EXOC3L1: variants seen among roughly 807,000 people sequenced by gnomAD.
EXOC3L1 encodes the protein exocyst complex component 3-like protein.
EXOC3L1 carries 79 observed loss-of-function variants against 83.6 expected under a neutral mutation model. That is an observed-to-expected ratio of 0.95 (90% CI 0.79 to 1.14). The LOEUF (loss-of-function observed/expected upper bound fraction) is 1.14, where lower values mean the gene tolerates loss of function less well. Ranked by LOEUF, EXOC3L1 falls within the 50% of genes most tolerant of loss-of-function variation. The pLI, the probability that EXOC3L1 is intolerant of heterozygous loss-of-function variation, is 0.00. For synonymous variants in EXOC3L1, 433 were observed against 451.2 expected, an observed-to-expected ratio of 0.96 and a Z score of 0.51; for missense variants, 945 against 972.0, an observed-to-expected ratio of 0.97 and a Z score of 0.37.
chr16:67,188,941 CTG>C lies in EXOC3L1; in HGVS notation c.208-3_208-2del. On this transcript the variant is annotated splice_acceptor_variant and splice_polypyrimidine_tract_variant and intron_variant, in intron 3 of 13. Coordinates refer to ENST00000314586, the MANE Select transcript of EXOC3L1 (RefSeq NM_178516.4). LOFTEE classifies it high-confidence loss of function. ...CTTCCAGGTATGACTGCATCACTGACTGTGGAAAGATGGAGCCATGAGGCTGG... is the reference window on the plus strand; with the variant it reads ...CTTCCAGGTATGACTGCATCACTGACTGGAAAGATGGAGCCATGAGGCTGG... 6.2e-7 allele frequency: 1 copy of C among 1,612,252 alleles called. No homozygotes were observed. Among genetic ancestry groups the C allele is most frequent in the Non-Finnish European group, 8.5e-7 (1 of 1,179,422 alleles).
Position 67,188,676 on chromosome 16 carries a change from GGACT to G in EXOC3L1, c.427+41_427+44del, listed in dbSNP as rs763306099. On this transcript the variant is annotated intron_variant, in intron 4 of 13. Transcript: ENST00000314586. ...CCCTTGATTAGGGATGGGTGTTTGT[GGACT>G]GACTATTGGAGGCTGAGGCCCAGGG... is the stretch of plus-strand genomic sequence containing the variant. 57 of 1,556,646 alleles carry G rather than the reference GGACT, an allele frequency of 3.7e-5. 1 individual carries two copies. The South Asian group carries it at 5.9e-4, about 16-fold the overall frequency.
chr16:67,189,288 GTTTA>G, intron 2 of EXOC3L1, 108 bp from the exon 3 acceptor site: 2 of 1,218,360 alleles, frequency 1.6e-6, no homozygotes, highest in Non-Finnish European at 2.2e-6. Flanking sequence ...TTGTTTATTT[GTTTA>G]TTGAGATGGA....
chr16:67,188,181 T>C (rs959449689), intron 4 of EXOC3L1, among the ~76,000 whole-genome samples: 1 of 150,932 alleles, frequency 6.6e-6, no homozygotes, highest in African/African-American at 2.4e-5. Flanking sequence ...GATATGGAGG[T>C]TGCAGTGAGC....
intron 4 of EXOC3L1, among the ~76,000 whole-genome samples, chr16:67,188,364 T>C (rs2032787984): frequency 6.6e-6 from 1 of 152,140 alleles, no homozygotes; most frequent in Non-Finnish European, 1.5e-5. Flanking sequence ...GGGCCAGAGG[T>C]CAACCCATGA....
In EXOC3L1 at chr16:67,186,790, T is replaced by C. The variant is rs373700966; in HGVS notation, c.1253A>G (p.Tyr418Cys). The change falls in exon 7 of 14, where the codon TAT becomes TGT. Residue 418 changes from tyrosine to cysteine, a missense_variant. Coordinates refer to ENST00000314586, the MANE Select transcript of EXOC3L1 (RefSeq NM_178516.4). ...HGPNTDPSGSYYSPMPAIVLQ... is the reference protein window; with the variant it reads ...HGPNTDPSGSCYSPMPAIVLQ... ...CACAATGGCTGGCATTGGTGAGTAA[T>C]AGGAGCCAGACGGGTCTGTGTTGGG... 1.2e-5 allele frequency: 19 copies of C among 1,613,576 alleles called. No individual in the cohort carries two copies. Among genetic ancestry groups the C allele is most frequent in the Non-Finnish European group, 1.4e-5 (17 of 1,180,020 alleles).
Position 67,187,416 on chromosome 16 carries a change from C to T in EXOC3L1, c.849G>A (p.Leu283=), listed in dbSNP as rs1198941852. The T allele has an allele frequency of 3.7e-6, 6 of 1,611,446 alleles. No homozygotes were observed. The Admixed American group carries it at 6.7e-5, about 18-fold the overall frequency. The part of the protein sequence containing the change: ...PGWLEALRVA[L]PVELATAEAL... ...CCTCAGCTGTGGCCAACTCGACTGG[C>T]AGGGCCACTCGCAGAGCCTCCAGCC... Residue 283 remains leucine, a synonymous_variant, in exon 5 of 14, where the codon CTG becomes CTA. Transcript: ENST00000314586.
intron 3 of EXOC3L1, 27 bp downstream of exon 3, chr16:67,188,993 C>T (rs771682090): frequency 1.2e-6 from 2 of 1,604,658 alleles, no homozygotes; most frequent in East Asian, 2.2e-5. Flanking sequence ...ACAGTCCCAG[C>T]ACCCGCACCC....
rs9939768 is a variant in EXOC3L1 at position 67,185,204 on chromosome 16, G to C, written c.1681C>G (p.Gln561Glu). 148,051 of 1,612,996 alleles carry C rather than the reference G, an allele frequency of 0.092. 12,367 individuals carry two copies. Among genetic ancestry groups the C allele is most frequent in the African/African-American group, 0.43 (32,474 of 74,866 alleles). ...RQWLSSPELL[Q>E]SVCERTGRFC... Reference sequence around the variant, plus strand: ...CGCCCCGTCCGTTCACACACACTTTGCAGGAGCTCAGGGCTCGACAGCCAT... The same window carrying C: ...CGCCCCGTCCGTTCACACACACTTTCCAGGAGCTCAGGGCTCGACAGCCAT... Residue 561 changes from glutamine to glutamate, a missense_variant, in exon 11 of 14, where the codon CAA becomes GAA. Coordinates refer to ENST00000314586, the MANE Select transcript of EXOC3L1 (RefSeq NM_178516.4).
rs1022364177 is a variant in EXOC3L1 at position 67,184,741 on chromosome 16, G to A, written c.1975C>T (p.Pro659Ser). The change falls in exon 13 of 14, where the codon CCC becomes TCC. Residue 659 changes from proline to serine, a missense_variant. Transcript: ENST00000314586. ...ALRELLNLRDPALLGLEVAGL... is the reference protein window; with the variant it reads ...ALRELLNLRDSALLGLEVAGL... The stretch of plus-strand genomic sequence containing the variant: ...GCCACCTCCAGGCCCAGCAGCGCGG[G>A]GTCGCGGAGGTTTAGCAGCTCCCTC... 1 of 1,587,356 alleles carries A rather than the reference G, an allele frequency of 6.3e-7. No homozygotes were observed. The highest frequency in any genetic ancestry group is 1.3e-5 in the African/African-American group (1 of 74,630).
chr16:67,189,703 G>C lies in EXOC3L1; in HGVS notation c.-7-20C>G, dbSNP rs1447353745. The C allele has an allele frequency of 2.5e-6, 4 of 1,613,268 alleles. No individual in the cohort carries two copies. In the South Asian group the frequency reaches 4.4e-5, roughly 18 times the overall value. On this transcript the variant is annotated intron_variant, in intron 1 of 13. Transcript: ENST00000314586. ...GTGGGCCTGGAGGAGCCAGAGCTGA[G>C]GTGGGCCCGGGGCAAGCAGGCAGAG...
At chr16:67,184,648 C>T in intron 13 of EXOC3L1, 38 bp downstream of exon 13, 5 of 1,581,288 alleles carry the variant, frequency 3.2e-6, no homozygotes, top group Admixed American at 1.7e-5. Flanking sequence ...TCCTCCCCGC[C>T]CTCCGGCTTC....
At position 67,186,628 on chromosome 16, in the gene EXOC3L1, G is replaced by T; in HGVS notation, c.1314C>A (p.Ser438Arg). 1 of 1,614,098 alleles carries T rather than the reference G, an allele frequency of 6.2e-7. No individual in the cohort carries two copies. Among genetic ancestry groups the T allele is most frequent in the Non-Finnish European group, 8.5e-7 (1 of 1,179,998 alleles). The change falls in exon 8 of 14, where the codon AGC becomes AGA. Residue 438 changes from serine (S) to arginine (R), a missense_variant. By Grantham distance (110) the Ser-to-Arg change is moderately radical. Coordinates refer to ENST00000314586, the MANE Select transcript of EXOC3L1 (RefSeq NM_178516.4). ...GCTGTTGCAGTGACTCACTGACCAGGCTGGCCACACGAATGTTCTCTTCCA... is the reference window on the plus strand; with the variant it reads ...GCTGTTGCAGTGACTCACTGACCAGTCTGGCCACACGAATGTTCTCTTCCA... ...QILEENIRVASLVSESLQQRV... is the reference protein window; with the variant it reads ...QILEENIRVARLVSESLQQRV...
rs2032659305 is a variant in EXOC3L1, at chr16:67,185,138, G to A, written c.1747C>T (p.Gln583Ter). ...CCCAATCTTTTCCCCCAACCCACCT[G>A]AACCGTGGGGTTCCGCACGCGCCAG... Reference protein sequence around the residue: ...DFWRVRNPTVQLLLAEAERAV... With the variant: ...DFWRVRNPTV The change falls in exon 11 of 14, where the codon CAG becomes TAG. Residue 583 changes from glutamine (Q) to a stop codon, truncating the protein, a stop_gained and splice_region_variant. Transcript: ENST00000314586. LOFTEE classifies it high-confidence loss of function. 1 of 1,613,224 alleles carries A rather than the reference G, an allele frequency of 6.2e-7. No individual in the cohort carries two copies. Among genetic ancestry groups the A allele is most frequent in the Non-Finnish European group, 8.5e-7 (1 of 1,180,022 alleles).
In EXOC3L1 at chr16:67,187,584, C is replaced by T. The variant is rs201772212; in HGVS notation, c.681G>A (p.Ala227=). The T allele has an allele frequency of 5.6e-6, 9 of 1,606,060 alleles. No homozygotes were observed. Among genetic ancestry groups the T allele is most frequent in the Middle Eastern group, 1.6e-4 (1 of 6,074 alleles). The change falls in exon 5 of 14, where the codon GCG becomes GCA. Residue 227 remains alanine (A), a synonymous_variant. Transcript: ENST00000314586. ...PALLVAAVRV[A]EVETGRTTPL... ...GGGTTGTTCGTCCAGTCTCCACCTC[C>T]GCCACACGCACAGCAGCCACCAACA...
chr16:67,189,346 G>A (rs1219749714), intron 2 of EXOC3L1, among the ~76,000 whole-genome samples, 166 bp from the exon 3 acceptor site: 1 of 152,076 alleles, frequency 6.6e-6, no homozygotes, highest in Non-Finnish European at 1.5e-5. Context: ...GTGCAATCTC[G>A]GGTCCCTGTA....
Position 67,187,270 on chromosome 16 carries a change from G to C in EXOC3L1, c.995C>G (p.Ala332Gly). 1 of 1,612,636 alleles carries C rather than the reference G, an allele frequency of 6.2e-7. No homozygotes were observed. The highest frequency in any genetic ancestry group is 8.5e-7 in the Non-Finnish European group (1 of 1,179,664). Residue 332 changes from alanine to glycine, a missense_variant, in exon 5 of 14, where the codon GCG becomes GGG. Transcript: ENST00000314586. ...NLLAGPELEA[A>G]DAFALLHWAL... ...CCAGTGCAGCAAGGCGAAGGCATCC[G>C]CAGCTTCTAGCTCAGGCCCTGCAAG...
intron 2 of EXOC3L1, 91 bp downstream of exon 2, chr16:67,189,540 G>A (rs1316588390): frequency 1.4e-6 from 2 of 1,470,486 alleles, no homozygotes; most frequent in Non-Finnish European, 1.9e-6. Context: ...ACCTCCCAAA[G>A]TGTTGGGATT....
intron 8 of EXOC3L1, 73 bp downstream of exon 8, chr16:67,186,484 T>C (rs2032725878): frequency 2.6e-6 from 4 of 1,519,634 alleles, no homozygotes; most frequent in East Asian, 2.3e-5. Context: ...ACATGTCTTA[T>C]TCACTCAGAG....
Position 67,185,261 on chromosome 16 carries a change from G to A in EXOC3L1, c.1627-3C>T. On this transcript the variant is annotated splice_polypyrimidine_tract_variant and splice_region_variant and intron_variant, in intron 10 of 13. Coordinates refer to ENST00000314586, the MANE Select transcript of EXOC3L1 (RefSeq NM_178516.4). ...GAGGGCAGATCCGCGAACAGGGGCT[G>A]GGGAAATGATCCAGATCTGGCATTG... 1 of 1,613,544 alleles carries A rather than the reference G, an allele frequency of 6.2e-7. No individual in the cohort carries two copies.
Sources: gnomAD v4.1 joint callset for allele counts (sites outside exome capture counted in the v4.1 genomes callset) on GRCh38, gnomAD v4.1.1 for gene constraint, MANE v1.5 for transcripts, NCBI Gene and HGNC (gene_info 2026-07-23, HGNC 2026-07-21) for gene names.